ZFP14: variants seen among roughly 807,000 people sequenced by gnomAD.
The protein encoded by ZFP14 is zinc finger protein 14 homolog.
ZFP14 carries 22 observed loss-of-function variants against 54.5 expected under a neutral mutation model. That is an observed-to-expected ratio of 0.40 (90% CI 0.29 to 0.58). The LOEUF is 0.58. ZFP14 is among the 20% of genes least tolerant of loss of function. The probability of loss-of-function intolerance (pLI) is 0.39; values close to 1 mark genes in which losing one functional copy is unlikely to be tolerated. For missense variants in ZFP14, 470 were observed against 637.8 expected (o/e 0.74, Z 2.83); for synonymous variants, 159 against 204.0 (o/e 0.78, Z 1.88).
rs1188818512 is a variant in ZFP14, at chr19:36,340,275, A to G, written c.1551T>C (p.Phe517=). Reference sequence around the variant, plus strand: ...GCTGAGTAAGGTGTGAATGCTGTCTAAAGGCCTTCTTACACTCCTTACACT... The same window carrying G: ...GCTGAGTAAGGTGTGAATGCTGTCTGAAGGCCTTCTTACACTCCTTACACT... The part of the protein sequence containing the change: ...PYKCKECKKA[F]RQHSHLTQHQ... The change falls in exon 5 of 5, where the codon TTT becomes TTC. Residue 517 remains phenylalanine (F), a synonymous_variant. Coordinates refer to ENST00000270001, the MANE Select transcript of ZFP14 (RefSeq NM_020917.3). The surrounding 1 kb of genome is among the most constrained non-coding windows in gnomAD (Gnocchi z 5.4). 3.1e-6 allele frequency: 5 copies of G among 1,612,620 alleles called. No individual in the cohort carries two copies. The highest frequency in any genetic ancestry group is 1.3e-5 in the African/African-American group (1 of 74,980).
intron 2 of ZFP14, among the ~76,000 whole-genome samples, chr19:36,365,067 G>C (rs2031773634): frequency 8.3e-6 from 1 of 120,766 alleles, no homozygotes; most frequent in African/African-American, 3.1e-5. Context: ...CTAGGCTGGA[G>C]TGCAGTGATG....
chr19:36,344,730 T>C (rs962087265), intron 4 of ZFP14, among the ~76,000 whole-genome samples: 2 of 152,136 alleles, frequency 1.3e-5, no homozygotes, highest in Non-Finnish European at 2.9e-5. Flanking sequence ...GAACTGTGTA[T>C]GCGAGGGATC....
chr19:36,357,207 T>TA (rs1215174203), intron 4 of ZFP14, among the ~76,000 whole-genome samples: 2 of 152,192 alleles, frequency 1.3e-5, no homozygotes, highest in Non-Finnish European at 1.5e-5. Flanking sequence ...GACGCCCAGC[T>TA]AATTTTTGTA....
chr19:36,372,350 C>G (rs2031893355), intron 1 of ZFP14, among the ~76,000 whole-genome samples: 1 of 151,150 alleles, frequency 6.6e-6, no homozygotes, highest in South Asian at 2.1e-4. Flanking sequence ...ATTGACAAAC[C>G]TAACTAAGCT....
intron 4 of ZFP14, among the ~76,000 whole-genome samples, chr19:36,346,735 C>T (rs1323760138): frequency 2.6e-5 from 4 of 152,202 alleles, no homozygotes; most frequent in Middle Eastern, 3.2e-3. Context: ...GGATTACAGG[C>T]GTAAGCCACT....
chr19:36,361,230 A>C (rs1256238889), intron 3 of ZFP14, among the ~76,000 whole-genome samples: 1 of 152,178 alleles, frequency 6.6e-6, no homozygotes, highest in African/African-American at 2.4e-5. Flanking sequence ...TACAGGAAAC[A>C]GAATGTGTTT....
intron 4 of ZFP14, among the ~76,000 whole-genome samples, chr19:36,359,466 G>A (rs1297084324): frequency 6.6e-6 from 1 of 151,972 alleles, no homozygotes; most frequent in African/African-American, 2.4e-5. Flanking sequence ...ATCTGGGGCT[G>A]GCATTTTCTT....
intron 1 of ZFP14, among the ~76,000 whole-genome samples, chr19:36,373,290 C>CA (rs1305382475): frequency 6.9e-6 from 1 of 145,662 alleles, no homozygotes. Context: ...AAAAAAAAAA[C>CA]AAAAAAACAA....
chr19:36,347,983 G>A (rs1054331806), intron 4 of ZFP14, among the ~76,000 whole-genome samples: 1 of 152,004 alleles, frequency 6.6e-6, no homozygotes, highest in East Asian at 1.9e-4. Flanking sequence ...TCTTGAACCC[G>A]GGAGGTGGAG....
intron 4 of ZFP14, among the ~76,000 whole-genome samples, chr19:36,342,151 G>A (rs899807370): frequency 1.2e-4 from 18 of 146,186 alleles, no homozygotes; most frequent in South Asian, 1.1e-3. Context: ...CACTGCGCCC[G>A]GCGAGGACCA....
At chr19:36,358,034 T>C (rs2031645415) in intron 4 of ZFP14, among the ~76,000 whole-genome samples, 1 of 151,044 alleles carries the variant, frequency 6.6e-6, no homozygotes, top group South Asian at 2.1e-4. Context: ...TGAGCCACCA[T>C]GCCCGGCTCT....
At position 36,340,767 on chromosome 19, in the gene ZFP14, T is replaced by C. The variant is rs748348245; in HGVS notation, c.1059A>G (p.Gln353=). The change falls in exon 5 of 5, where the codon CAA becomes CAG. Residue 353 remains glutamine (Q), a synonymous_variant. Transcript: ENST00000270001. This position sits in a 1 kb window ranked among gnomAD's most constrained non-coding sequence, Gnocchi z 5.4. ...GAATACTCTGATGAACAGTAAGTTGTTGGCATATTCTAAAAGCCTTTCCAC... is the reference window on the plus strand; with the variant it reads ...GAATACTCTGATGAACAGTAAGTTGCTGGCATATTCTAAAAGCCTTTCCAC... The part of the protein sequence containing the change: ...KECGKAFRIC[Q]QLTVHQSIHT... The C allele has an allele frequency of 1.9e-6, 3 of 1,614,034 alleles. No homozygotes were observed. The highest frequency in any genetic ancestry group is 1.7e-5 in the Admixed American group (1 of 60,012).
In ZFP14 at chr19:36,335,617, A is replaced by G. The variant is rs2031178710; in HGVS notation, c.*4607T>C. ...CATTTTTTGTTAATCTATTTGGGTT[A>G]TACGGTGAGTTAATTGTAAAACATA... On this transcript the variant is annotated 3_prime_UTR_variant, in exon 5 of 5. Coordinates refer to ENST00000270001, the MANE Select transcript of ZFP14 (RefSeq NM_020917.3). 1 of 151,958 alleles carries G rather than the reference A, an allele frequency of 6.6e-6. No homozygotes were observed. Among genetic ancestry groups the G allele is most frequent in the Non-Finnish European group, 1.5e-5 (1 of 68,018 alleles). The allele number at this position is 151,958 out of a possible 1,614,324, so 9.4% of individuals were successfully genotyped here.
chr19:36,341,854 T>G lies in ZFP14; in HGVS notation c.236-264A>C, dbSNP rs2031322450. Among the ~76,000 whole-genome samples the G allele has an allele frequency of 6.7e-6, 1 of 150,088 alleles. No individual in the cohort carries two copies. The highest frequency in any genetic ancestry group is 1.5e-5 in the Non-Finnish European group (1 of 67,388). ...TAGGCCCGGAGCAGGACCACTTAAT[T>G]TTTTTTTTTTCTTTGGAGATGGAGT... On this transcript the variant is annotated intron_variant, in intron 4 of 4. Transcript: ENST00000270001. This position sits in a 1 kb window ranked among gnomAD's most constrained non-coding sequence, Gnocchi z 4.2.
chr19:36,365,989 G>A (rs886784881), intron 2 of ZFP14, among the ~76,000 whole-genome samples: 13 of 151,800 alleles, frequency 8.6e-5, no homozygotes, highest in Non-Finnish European at 1.5e-5. Context: ...GTGTCATGGT[G>A]GATGGTGGCT....
At chr19:36,363,206 T>G (rs2031738557) in intron 2 of ZFP14, among the ~76,000 whole-genome samples, 1 of 144,934 alleles carries the variant, frequency 6.9e-6, no homozygotes, top group African/African-American at 2.5e-5. Flanking sequence ...TTTTTTTTTT[T>G]TTTTTGAGAC....
rs755549295 is a variant in ZFP14 at position 36,340,905 on chromosome 19, A to G, written c.921T>C (p.Thr307=). 3.1e-6 allele frequency: 5 copies of G among 1,613,920 alleles called. No individual in the cohort carries two copies. The African/African-American group carries it at 6.7e-5, about 22-fold the overall frequency. Residue 307 remains threonine (T), a synonymous_variant, in exon 5 of 5, where the codon ACT becomes ACC. Transcript: ENST00000270001. The surrounding 1 kb of genome is among the most constrained non-coding windows in gnomAD (Gnocchi z 5.4). ...CCTTACATTCATAGAGCTTTTCAGCAGTATGAAGTCTCTGATGGCGTGTAA... is the reference window on the plus strand; with the variant it reads ...CCTTACATTCATAGAGCTTTTCAGCGGTATGAAGTCTCTGATGGCGTGTAA... The part of the protein sequence containing the change: ...THLTRHQRLH[T]AEKLYECKEC...
intron 1 of ZFP14, among the ~76,000 whole-genome samples, chr19:36,371,189 G>A (rs963312285): frequency 3.3e-5 from 5 of 152,126 alleles, no homozygotes; most frequent in African/African-American, 1.2e-4. Context: ...CATGAACCCA[G>A]GAGGCGGAGC....
In ZFP14 at chr19:36,338,511, C is replaced by A. The variant is rs1175288049; in HGVS notation, c.*1713G>T. ...GACCAGCCTGGGCAACATAGTGAGA[C>A]CCTTTCTCTAAAAAAAAAAAAAAAA... On this transcript the variant is annotated 3_prime_UTR_variant, in exon 5 of 5. Coordinates refer to ENST00000270001, the MANE Select transcript of ZFP14 (RefSeq NM_020917.3). The A allele has an allele frequency of 1.3e-5, 2 of 150,090 alleles. No homozygotes were observed. Among genetic ancestry groups the A allele is most frequent in the African/African-American group, 4.9e-5 (2 of 40,636 alleles). The allele number at this position is 150,090 out of a possible 1,614,324, so 9.3% of individuals were successfully genotyped here. A position where few individuals can be genotyped will look rare whatever the true frequency, so the allele number is the denominator to read the frequency against.
Sources: gnomAD v4.1 joint callset for allele counts (sites outside exome capture counted in the v4.1 genomes callset) on GRCh38, gnomAD v4.1.1 for gene constraint, Gnocchi (gnomAD v3.1) non-coding constraint, MANE v1.5 for transcripts, NCBI Gene and HGNC (gene_info 2026-07-23, HGNC 2026-07-21) for gene names.